The following CREB1 variants were observed in gnomAD, a reference collection of about 807,000 sequenced individuals.
CREB1 encodes cyclic AMP-responsive element-binding protein 1.
A neutral mutation model predicts 42.0 loss-of-function variants in CREB1; 2 were observed. The observed-to-expected ratio is 0.05, with a 90% CI of 0.02 to 0.15. CREB1 has a LOEUF of 0.15. Ranked by LOEUF, CREB1 falls within the 10% of genes least tolerant of loss-of-function variation. The pLI is 1.00. For missense variants in CREB1, 199 were observed against 388.9 expected (o/e 0.51, Z 4.11); for synonymous variants, 123 against 139.9 (o/e 0.88, Z 0.85).
intron 1 of CREB1, among the ~76,000 whole-genome samples, chr2:207,546,822 C>A (rs1348452931): frequency 6.6e-6 from 1 of 151,942 alleles, no homozygotes; most frequent in Non-Finnish European, 1.5e-5. Flanking sequence ...TAAAGATTAA[C>A]CATGGTCAGT....
chr2:207,534,597 C>G (rs1489238592), intron 1 of CREB1: 1 of 152,178 alleles, frequency 6.6e-6, no homozygotes, highest in Non-Finnish European at 1.5e-5. Context: ...TATCTCTACC[C>G]TCAGGAACTG....
intron 2 of CREB1, among the ~76,000 whole-genome samples, chr2:207,557,467 G>T (rs973340204): frequency 1.3e-5 from 2 of 152,158 alleles, no homozygotes; most frequent in African/African-American, 4.8e-5. Flanking sequence ...CGGATCACGA[G>T]GTTAGGAGAT....
At chr2:207,571,051 TATTCATTCAGTGA>T (rs1559044570) in intron 5 of CREB1, among the ~76,000 whole-genome samples, 11 of 131,792 alleles carry the variant, frequency 8.3e-5, no homozygotes, top group Middle Eastern at 4.0e-3. Flanking sequence ...CAAAGTGCTT[TATTCATTCAGTGA>T]TTTTTTTCAT....
chr2:207,592,623 AT>A (rs1236743043), intron 7 of CREB1, among the ~76,000 whole-genome samples: 1 of 151,888 alleles, frequency 6.6e-6, no homozygotes, highest in Non-Finnish European at 1.5e-5. Context: ...TCTGTCATTA[AT>A]TTTAGAAAAT....
At chr2:207,588,136 C>CTTA (rs386392425) in intron 7 of CREB1, among the ~76,000 whole-genome samples, 1 of 9,860 alleles carries the variant, frequency 1.0e-4, no homozygotes, top group East Asian at 0.025. Context: ...ATCACACAGA[C>CTTA]TTCGTTTTCC....
chr2:207,534,380 G>A (rs566709493), intron 1 of CREB1, among the ~76,000 whole-genome samples: 1 of 152,296 alleles, frequency 6.6e-6, no homozygotes, highest in South Asian at 2.1e-4. Context: ...GGAACTACAG[G>A]CATGCACCAC....
At chr2:207,573,184 A>T (rs1303799045) in intron 5 of CREB1, among the ~76,000 whole-genome samples, 4 of 152,182 alleles carry the variant, frequency 2.6e-5, no homozygotes, top group Non-Finnish European at 5.9e-5. Flanking sequence ...ATAACTAAGG[A>T]TACATCCGTT....
chr2:207,539,632 G>T (rs2081016532), intron 1 of CREB1, among the ~76,000 whole-genome samples: 2 of 152,118 alleles, frequency 1.3e-5, no homozygotes, highest in Non-Finnish European at 2.9e-5. Context: ...GAATCTTACG[G>T]TATAGTAGGG....
chr2:207,598,539 A>G lies in CREB1; in HGVS notation c.*1481A>G, dbSNP rs1267354078. The stretch of plus-strand genomic sequence containing the variant: ...ATTTTAAAAATTGGAAACTGACATA[A>G]TGTTAGGTTATAATTTCTCATTTGG... On this transcript the variant is annotated 3_prime_UTR_variant, in exon 8 of 8. Transcript: ENST00000353267. 1 of 177,990 alleles carries G rather than the reference A, an allele frequency of 5.6e-6. No individual in the cohort carries two copies. Among genetic ancestry groups the G allele is most frequent in the Non-Finnish European group, 1.2e-5 (1 of 83,232 alleles). The allele number at this position is 177,990 out of a possible 1,614,324, so 11.0% of individuals were successfully genotyped here. A position where few individuals can be genotyped will look rare whatever the true frequency, so the allele number is the denominator to read the frequency against.
intron 7 of CREB1, among the ~76,000 whole-genome samples, chr2:207,591,845 C>T (rs927041190): frequency 2.0e-5 from 3 of 152,136 alleles, no homozygotes; most frequent in Non-Finnish European, 4.4e-5. Context: ...TCCTTTTTTA[C>T]TGAGCTACAT....
chr2:207,543,122 T>C (rs1237787306), intron 1 of CREB1, among the ~76,000 whole-genome samples: 2 of 152,182 alleles, frequency 1.3e-5, no homozygotes, highest in Non-Finnish European at 2.9e-5. Flanking sequence ...AGATTACTTA[T>C]AATACCTTAT....
intron 5 of CREB1, among the ~76,000 whole-genome samples, chr2:207,570,798 C>A (rs534768746): frequency 2.8e-4 from 42 of 152,190 alleles, no homozygotes; most frequent in South Asian, 6.2e-4. Flanking sequence ...TCAGCACATT[C>A]AATTATTCCT....
At position 207,560,335 on chromosome 2, in the gene CREB1, C is replaced by A. The variant is rs376460743; in HGVS notation, c.224C>A (p.Pro75Gln). 3.1e-6 allele frequency: 5 copies of A among 1,613,972 alleles called. No individual in the cohort carries two copies. Among genetic ancestry groups the A allele is most frequent in the Non-Finnish European group, 4.2e-6 (5 of 1,179,892 alleles). ...QVHGVIQAAQPSVIQSPQVQT... is the reference protein window; with the variant it reads ...QVHGVIQAAQQSVIQSPQVQT... ...CATGGAGTCATTCAGGCGGCCCAGCCATCAGTTATTCAGTCTCCACAAGTC... is the reference window on the plus strand; with the variant it reads ...CATGGAGTCATTCAGGCGGCCCAGCAATCAGTTATTCAGTCTCCACAAGTC... Residue 75 changes from proline to glutamine, a missense_variant, in exon 3 of 8, where the codon CCA (proline) becomes CAA (glutamine). Physicochemically the swap from Pro to Gln is moderately conservative, Grantham distance 76. Transcript: ENST00000353267.
At position 207,599,527 on chromosome 2, in the gene CREB1, T is replaced by C. The variant is rs180685015; in HGVS notation, c.*2469T>C. On this transcript the variant is annotated 3_prime_UTR_variant, in exon 8 of 8. Coordinates refer to ENST00000353267, the MANE Select transcript of CREB1 (RefSeq NM_004379.5). The stretch of plus-strand genomic sequence containing the variant: ...GTGAGCTGGATGAATTTATAAGTTA[T>C]AAAGACCTTATCCTTCATACCTTGA... The C allele has an allele frequency of 4.1e-4, 81 of 196,686 alleles. No individual in the cohort carries two copies. The Middle Eastern group carries it at 7.3e-3, about 18-fold the overall frequency. 12.2% of individuals were successfully genotyped at this position (196,686 alleles called of 1,614,324 possible).
chr2:207,590,597 C>T (rs1279900972), intron 7 of CREB1, among the ~76,000 whole-genome samples: 1 of 151,914 alleles, frequency 6.6e-6, no homozygotes, highest in East Asian at 1.9e-4. Flanking sequence ...AAAACTTCTG[C>T]AGGTATCTAG....
At chr2:207,581,602 T>G (rs1240608217) in intron 7 of CREB1, 2 of 336,336 alleles carry the variant, frequency 5.9e-6, no homozygotes, top group Non-Finnish European at 1.1e-5. Context: ...AATATACATT[T>G]TTAATATATT....
At chr2:207,550,037 T>A (rs1187094722) in intron 1 of CREB1, among the ~76,000 whole-genome samples, 2 of 152,014 alleles carry the variant, frequency 1.3e-5, no homozygotes. Flanking sequence ...AAAAACTAAA[T>A]ACAGGCACAA....
intron 3 of CREB1, among the ~76,000 whole-genome samples, chr2:207,562,527 A>G (rs993629416): frequency 6.6e-6 from 1 of 152,136 alleles, no homozygotes; most frequent in African/African-American, 2.4e-5. Context: ...TTTGTCCATT[A>G]AGGTCCATTA....
chr2:207,551,185 A>G (rs566154405), intron 1 of CREB1, among the ~76,000 whole-genome samples: 6 of 152,332 alleles, frequency 3.9e-5, no homozygotes, highest in African/African-American at 1.2e-4. Context: ...ATTGCTGAAC[A>G]TAGTCTCTTC....
Sources: gnomAD v4.1 joint callset for allele counts (sites outside exome capture counted in the v4.1 genomes callset) on GRCh38, gnomAD v4.1.1 for gene constraint, MANE v1.5 for transcripts, NCBI Gene and HGNC (gene_info 2026-07-23, HGNC 2026-07-21) for gene names.